The following TRPM8 variants were observed in gnomAD, a reference collection of about 807,000 sequenced individuals.
TRPM8 encodes the protein TRPM8 cationic channel.
Under a neutral mutation model 133.7 loss-of-function variants are expected in TRPM8, and 110 were observed. That is an observed-to-expected ratio of 0.82 (90% confidence interval 0.70 to 0.96). The LOEUF (loss-of-function observed/expected upper bound fraction) is 0.96. Ranked by LOEUF, TRPM8 falls within the 40% of genes least tolerant of loss-of-function variation. The pLI, the probability that TRPM8 is intolerant of heterozygous loss-of-function variation, is 0.00. For synonymous variants in TRPM8, 535 were observed against 532.3 expected (o/e 1.01, Z -0.07); for missense variants, 1,291 against 1,379.5 (o/e 0.94, Z 1.02).
chr2:233,998,626 T>C (rs17864762), intron 22 of TRPM8, among the ~76,000 whole-genome samples: 2 of 151,342 alleles, frequency 1.3e-5, no homozygotes, highest in East Asian at 1.9e-4. Context: ...AGTGAGCCGC[T>C]TGTGCCCATC....
In TRPM8 at chr2:233,932,525, A is replaced by C. The variant is rs374487447; in HGVS notation, c.191+1784A>C. ...TGTGTCCAGGTGAACTCAATGCAGA[A>C]AGGCATGATTCCTCAAGGAAAATCA... On this transcript the variant is annotated intron_variant, in intron 3 of 25. Coordinates refer to ENST00000324695, the MANE Select transcript of TRPM8 (RefSeq NM_024080.5). 5.9e-4 allele frequency among the ~76,000 whole-genome samples: 90 copies of C among 152,286 alleles called. No individual in the cohort carries two copies. In the South Asian group the frequency reaches 9.7e-3, roughly 16 times the overall value.
chr2:234,011,336 A>T (rs1421340129), intron 24 of TRPM8, among the ~76,000 whole-genome samples: 2 of 152,110 alleles, frequency 1.3e-5, no homozygotes, highest in Non-Finnish European at 2.9e-5. Flanking sequence ...TTTTTATGTC[A>T]GTACCGTACT....
chr2:233,952,604 C>T (rs1691195795), intron 9 of TRPM8, among the ~76,000 whole-genome samples: 1 of 151,806 alleles, frequency 6.6e-6, no homozygotes, highest in African/African-American at 2.4e-5. Flanking sequence ...CCAGGAGGCT[C>T]CCTGAGCCCC....
intron 21 of TRPM8, among the ~76,000 whole-genome samples, chr2:233,991,340 A>G (rs1040080468): frequency 2.6e-5 from 4 of 152,188 alleles, no homozygotes; most frequent in African/African-American, 9.7e-5. Context: ...ATCGCTTGTC[A>G]TCTCTTACTG....
chr2:233,960,757 C>T lies in TRPM8; in HGVS notation c.1363-19C>T, dbSNP rs2125173227. On this transcript the variant is annotated intron_variant, in intron 11 of 25. Transcript: ENST00000324695. ...ATTTTTATAGTATTGTTAGTACTGT[C>T]TCTGTTCTTTCTCCTTAGTCTGCTG... 6.2e-7 allele frequency: 1 copy of T among 1,608,944 alleles called. No homozygotes were observed. The highest frequency in any genetic ancestry group is 2.2e-5 in the East Asian group (1 of 44,844).
At chr2:233,977,670 G>A (rs1268288668) in intron 17 of TRPM8, among the ~76,000 whole-genome samples, 1 of 152,218 alleles carries the variant, frequency 6.6e-6, no homozygotes, top group Non-Finnish European at 1.5e-5. Context: ...CTCCCCCGAG[G>A]AGCCTGCCTT....
At chr2:233,954,602 C>T (rs1305554791) in intron 10 of TRPM8, among the ~76,000 whole-genome samples, 1 of 152,114 alleles carries the variant, frequency 6.6e-6, no homozygotes, top group East Asian at 1.9e-4. Context: ...AGAGTAGAGC[C>T]AGGCACGTTG....
At chr2:233,944,924 C>G (rs544097677) in intron 6 of TRPM8, among the ~76,000 whole-genome samples, 2 of 151,970 alleles carry the variant, frequency 1.3e-5, no homozygotes, top group Non-Finnish European at 2.9e-5. Context: ...TCATTATAAA[C>G]GAGAAAAGTG....
At chr2:233,986,594 T>C (rs1692153815) in intron 21 of TRPM8, among the ~76,000 whole-genome samples, 1 of 152,180 alleles carries the variant, frequency 6.6e-6, no homozygotes, top group Admixed American at 6.5e-5. Context: ...ACATTATCTG[T>C]TAAACCTTTG....
intron 6 of TRPM8, among the ~76,000 whole-genome samples, chr2:233,943,392 A>G (rs1690966025): frequency 6.6e-6 from 1 of 152,208 alleles, no homozygotes; most frequent in Admixed American, 6.5e-5. Flanking sequence ...GCAGCCACAA[A>G]AAATGATGAG....
intron 21 of TRPM8, among the ~76,000 whole-genome samples, chr2:233,986,942 G>A (rs1425306966): frequency 6.6e-6 from 1 of 152,218 alleles, no homozygotes; most frequent in Non-Finnish European, 1.5e-5. Context: ...GCAGATGAAC[G>A]AAAGTTAAAG....
At chr2:233,927,712 T>C (rs543454033) in intron 2 of TRPM8, among the ~76,000 whole-genome samples, 12 of 13,708 alleles carry the variant, frequency 8.8e-4, no homozygotes, top group African/African-American at 4.7e-3. Flanking sequence ...GTCTGTCTCT[T>C]TCTTTCTTTC....
chr2:233,949,894 C>T (rs1367100575), intron 8 of TRPM8, 55 bp from the exon 9 acceptor site: 1 of 1,556,714 alleles, frequency 6.4e-7, no homozygotes, highest in Non-Finnish European at 8.8e-7. Context: ...TAGTCCAGAG[C>T]TGGGTTCTGT....
At chr2:234,016,471 T>C (rs923061761) in intron 25 of TRPM8, among the ~76,000 whole-genome samples, 14 of 152,152 alleles carry the variant, frequency 9.2e-5, no homozygotes, top group African/African-American at 2.9e-4. Flanking sequence ...TAGGCTTCTT[T>C]CTCTAGAGGG....
intron 6 of TRPM8, among the ~76,000 whole-genome samples, chr2:233,943,506 G>A (rs1690968221): frequency 6.6e-6 from 1 of 152,130 alleles, no homozygotes; most frequent in African/African-American, 2.4e-5. Flanking sequence ...CTCATAGGTG[G>A]GAATTGAACA....
chr2:233,962,490 C>A (rs192229145), intron 12 of TRPM8, among the ~76,000 whole-genome samples: 3 of 152,128 alleles, frequency 2.0e-5, no homozygotes, highest in Non-Finnish European at 4.4e-5. Flanking sequence ...CCAAAATAAA[C>A]GACTTGCCTC....
intron 1 of TRPM8, among the ~76,000 whole-genome samples, chr2:233,918,911 T>C (rs1343568628): frequency 1.3e-5 from 2 of 152,184 alleles, no homozygotes; most frequent in Non-Finnish European, 2.9e-5. Flanking sequence ...TCATGAATAA[T>C]TGATGGCTCA....
At chr2:233,972,792 G>A (rs996040723) in intron 17 of TRPM8, among the ~76,000 whole-genome samples, 6 of 152,132 alleles carry the variant, frequency 3.9e-5, no homozygotes, top group African/African-American at 9.7e-5. Flanking sequence ...ACGCCCACCC[G>A]GAACTCCATC....
At chr2:233,950,961 G>A (rs1691159204) in intron 9 of TRPM8, among the ~76,000 whole-genome samples, 1 of 152,182 alleles carries the variant, frequency 6.6e-6, no homozygotes, top group Non-Finnish European at 1.5e-5. Context: ...AACCCTTTGG[G>A]AGGCCAAGGC....
Sources: allele counts gnomAD v4.1 joint callset (sites outside exome capture counted in the v4.1 genomes callset), GRCh38; gene constraint gnomAD v4.1.1; transcripts MANE v1.5; gene names NCBI Gene and HGNC (gene_info 2026-07-23, HGNC 2026-07-21).